Variants in SLC35D4 observed in about 807,000 individuals in gnomAD.
The protein encoded by SLC35D4 is UDP-N-acetylglucosamine transporter SLC35D4.
the SLC35D4 span, among the ~76,000 whole-genome samples, chr18:23,243,770 G>C: frequency 6.6e-6 from 1 of 151,580 alleles, no homozygotes; most frequent in Non-Finnish European, 1.5e-5. Flanking sequence ...TACTCAGGAG[G>C]CTGAGGCAGG....
the SLC35D4 span, among the ~76,000 whole-genome samples, chr18:23,389,995 T>A: frequency 6.6e-6 from 1 of 152,242 alleles, no homozygotes; most frequent in Non-Finnish European, 1.5e-5. Context: ...CAGCAGGACT[T>A]ATTTTTGTTA....
chr18:23,393,001 C>T, the SLC35D4 span, among the ~76,000 whole-genome samples: 1 of 152,004 alleles, frequency 6.6e-6, no homozygotes, highest in South Asian at 2.1e-4. Context: ...CTGCAACCTC[C>T]GCCTCCCGGG....
chr18:23,336,523 T>C, the SLC35D4 span, among the ~76,000 whole-genome samples: 7 of 152,226 alleles, frequency 4.6e-5, no homozygotes, highest in Non-Finnish European at 8.8e-5. Flanking sequence ...AGCATGGTCT[T>C]TCAATATAAA....
chr18:23,413,378 A>G, the SLC35D4 span, among the ~76,000 whole-genome samples: 2 of 152,258 alleles, frequency 1.3e-5, no homozygotes, highest in African/African-American at 4.8e-5. Flanking sequence ...CAAAGAAACC[A>G]GTCTACAGCT....
chr18:23,254,783 G>T, the SLC35D4 span, among the ~76,000 whole-genome samples: 1 of 152,152 alleles, frequency 6.6e-6, no homozygotes, highest in Non-Finnish European at 1.5e-5. Context: ...TTCACTCCAT[G>T]CCCAGGACCT....
At chr18:23,241,606 T>G in the SLC35D4 span, among the ~76,000 whole-genome samples, 2 of 152,248 alleles carry the variant, frequency 1.3e-5, no homozygotes, top group Non-Finnish European at 2.9e-5. Context: ...TGATAGATAT[T>G]TGTTCATGCG....
At chr18:23,394,698 G>T in the SLC35D4 span, among the ~76,000 whole-genome samples, 1 of 152,086 alleles carries the variant, frequency 6.6e-6, no homozygotes, top group African/African-American at 2.4e-5. Context: ...ATGGCCGTGC[G>T]CAGTGGCTCA....
At chr18:23,337,872 A>G in the SLC35D4 span, among the ~76,000 whole-genome samples, 4 of 152,240 alleles carry the variant, frequency 2.6e-5, no homozygotes, top group Admixed American at 6.5e-5. Flanking sequence ...TGAAACTCAG[A>G]AAAATTCCTA....
chr18:23,380,386 T>G, the SLC35D4 span, among the ~76,000 whole-genome samples: 1 of 152,288 alleles, frequency 6.6e-6, no homozygotes, highest in Non-Finnish European at 1.5e-5. Flanking sequence ...ATGCTCCCTC[T>G]GCCTGCCTGA....
At chr18:23,304,293 A>T in the SLC35D4 span, among the ~76,000 whole-genome samples, 3 of 148,722 alleles carry the variant, frequency 2.0e-5, no homozygotes, top group Non-Finnish European at 4.5e-5. Flanking sequence ...AAAAAAAAAA[A>T]ATTAAAGAAT....
chr18:23,349,504 A>C, the SLC35D4 span, among the ~76,000 whole-genome samples: 1 of 152,146 alleles, frequency 6.6e-6, no homozygotes, highest in Non-Finnish European at 1.5e-5. Flanking sequence ...GGTGGCACGC[A>C]CCTGTAGTCC....
the SLC35D4 span, chr18:23,257,283 G>A: frequency 2.2e-5 from 35 of 1,613,536 alleles, no homozygotes; most frequent in Middle Eastern, 3.3e-4. Flanking sequence ...TTGAATTCCC[G>A]GTGTTAGTGG....
chr18:23,423,087 C>T, the SLC35D4 span, among the ~76,000 whole-genome samples: 9 of 152,206 alleles, frequency 5.9e-5, no homozygotes, highest in Non-Finnish European at 1.2e-4. Flanking sequence ...CCCCTCTCCA[C>T]GGTCAGCTCC....
the SLC35D4 span, among the ~76,000 whole-genome samples, chr18:23,330,544 C>G: frequency 6.6e-5 from 10 of 152,210 alleles, no homozygotes; most frequent in East Asian, 1.9e-3. Flanking sequence ...AAACTCTGAC[C>G]AGGAAACCAC....
At chr18:23,291,629 C>T in the SLC35D4 span, among the ~76,000 whole-genome samples, 1 of 152,034 alleles carries the variant, frequency 6.6e-6, no homozygotes, top group African/African-American at 2.4e-5. Context: ...TCCTGGAGCA[C>T]CCATGCCTGG....
At chr18:23,370,866 A>G in the SLC35D4 span, among the ~76,000 whole-genome samples, 1 of 152,230 alleles carries the variant, frequency 6.6e-6, no homozygotes, top group Non-Finnish European at 1.5e-5. Context: ...GAGTTAGTTC[A>G]TATTTGTCAC....
chr18:23,370,502 A>G, the SLC35D4 span, among the ~76,000 whole-genome samples: 1,896 of 152,292 alleles, frequency 0.012, 42 homozygotes, highest in African/African-American at 0.044. Flanking sequence ...TGGTCCCCAG[A>G]GTGCTGGGCA....
the SLC35D4 span, among the ~76,000 whole-genome samples, chr18:23,291,657 C>G: frequency 2.6e-5 from 4 of 152,172 alleles, no homozygotes; most frequent in East Asian, 7.7e-4. Flanking sequence ...TGCACAACAG[C>G]TCAGGGCTCC....
the SLC35D4 span, among the ~76,000 whole-genome samples, chr18:23,402,021 G>A: frequency 1.3e-5 from 2 of 152,208 alleles, no homozygotes; most frequent in Admixed American, 6.5e-5. Flanking sequence ...ACAGGACCCC[G>A]GTGCTTGTGT....
Sources: gnomAD v4.1 joint callset for allele counts (sites outside exome capture counted in the v4.1 genomes callset) on GRCh38, gnomAD v4.1.1 for gene constraint, MANE v1.5 for transcripts, NCBI Gene and HGNC (gene_info 2026-07-23, HGNC 2026-07-21) for gene names.